The following CACNG2 variants were observed in gnomAD, a reference collection of about 807,000 sequenced individuals.
The protein encoded by CACNG2 is voltage-dependent calcium channel gamma-2 subunit.
Under a neutral mutation model 25.9 loss-of-function variants are expected in CACNG2, and 3 were observed. The observed-to-expected ratio is 0.12, with a 90% CI of 0.05 to 0.30. The LOEUF (loss-of-function observed/expected upper bound fraction) is 0.30. Among genes scored for constraint, CACNG2 ranks in the 10% least tolerant of loss-of-function variants. The pLI is 1.00. For missense variants in CACNG2, 341 were observed against 432.5 expected, an observed-to-expected ratio of 0.79 and a Z score of 1.88; for synonymous variants, 167 against 173.3, an observed-to-expected ratio of 0.96 and a Z score of 0.29.
intron 1 of CACNG2, among the ~76,000 whole-genome samples, chr22:36,628,407 T>C (rs1411727279): frequency 6.6e-6 from 1 of 152,264 alleles, no homozygotes; most frequent in Non-Finnish European, 1.5e-5. Flanking sequence ...ATTCTTTTCC[T>C]GCAAATGCCT....
At chr22:36,695,027 C>T (rs1469514495) in intron 1 of CACNG2, among the ~76,000 whole-genome samples, 1 of 152,050 alleles carries the variant, frequency 6.6e-6, no homozygotes, top group African/African-American at 2.4e-5. Context: ...ACCAGCCTGG[C>T]AAACATAGTG....
chr22:36,604,035 T>A (rs146768920), intron 1 of CACNG2, among the ~76,000 whole-genome samples: 214 of 152,310 alleles, frequency 1.4e-3, no homozygotes, highest in African/African-American at 4.9e-3. Context: ...TAGAAAGGAC[T>A]CAACATTCTA....
chr22:36,664,883 C>G (rs766039132), intron 1 of CACNG2, among the ~76,000 whole-genome samples: 1 of 151,980 alleles, frequency 6.6e-6, no homozygotes, highest in African/African-American at 2.4e-5. Context: ...GAGAATAGAC[C>G]CAGAAAACAT....
intron 1 of CACNG2, among the ~76,000 whole-genome samples, chr22:36,655,185 C>T (rs1380233877): frequency 6.6e-6 from 1 of 152,114 alleles, no homozygotes; most frequent in Non-Finnish European, 1.5e-5. Context: ...TATTCTTTGA[C>T]TTCTTCATAT....
At chr22:36,699,244 C>CACACACAG (rs1937380338) in intron 1 of CACNG2, among the ~76,000 whole-genome samples, 1 of 117,322 alleles carries the variant, frequency 8.5e-6, no homozygotes, top group Admixed American at 8.0e-5. Flanking sequence ...AGTTCACACA[C>CACACACAG]ACACACACAC....
chr22:36,592,658 T>G (rs975464387), intron 1 of CACNG2, among the ~76,000 whole-genome samples: 1 of 151,952 alleles, frequency 6.6e-6, no homozygotes, highest in African/African-American at 2.4e-5. Context: ...TAGAAATGAG[T>G]GGTGTGATCT....
intron 1 of CACNG2, among the ~76,000 whole-genome samples, chr22:36,657,791 G>A (rs1936730001): frequency 6.6e-6 from 1 of 152,114 alleles, no homozygotes; most frequent in Non-Finnish European, 1.5e-5. Context: ...GGCTCAGGGA[G>A]TGGAGGCTTG....
rs542016134 is a variant in CACNG2, at chr22:36,652,736, C to T, written c.211+49630G>A. ...ATCCCCATTTCCCAGCAAGCCACCA[C>T]CAAGCACATAACAGGTGCTCAGTAA... On this transcript the variant is annotated intron_variant, in intron 1 of 3. Transcript: ENST00000300105. Among the ~76,000 whole-genome samples the T allele has an allele frequency of 5.3e-5, 8 of 152,236 alleles. No homozygotes were observed. In the South Asian group the frequency reaches 1.7e-3, roughly 32 times the overall value.
chr22:36,684,355 C>T (rs991583006), intron 1 of CACNG2, among the ~76,000 whole-genome samples: 2 of 152,112 alleles, frequency 1.3e-5, no homozygotes, highest in Non-Finnish European at 2.9e-5. Context: ...GTGGCTCACA[C>T]CTGTAATCCC....
At chr22:36,616,320 G>A (rs1237792054) in intron 1 of CACNG2, among the ~76,000 whole-genome samples, 1 of 152,148 alleles carries the variant, frequency 6.6e-6, no homozygotes, top group Non-Finnish European at 1.5e-5. Flanking sequence ...ATTCTCCCTT[G>A]TTAGAATTCT....
At chr22:36,652,655 C>T (rs560057186) in intron 1 of CACNG2, among the ~76,000 whole-genome samples, 10 of 152,252 alleles carry the variant, frequency 6.6e-5, no homozygotes, top group Admixed American at 5.9e-4. Flanking sequence ...TGCTGGATGA[C>T]TCTTTTGCCC....
intron 1 of CACNG2, among the ~76,000 whole-genome samples, chr22:36,639,510 G>A (rs1472653884): frequency 6.6e-6 from 1 of 152,138 alleles, no homozygotes; most frequent in East Asian, 1.9e-4. Flanking sequence ...TCTCCCTTCA[G>A]GGGCACACAG....
intron 1 of CACNG2, among the ~76,000 whole-genome samples, chr22:36,653,012 C>T (rs1936642939): frequency 6.6e-6 from 1 of 152,016 alleles, no homozygotes; most frequent in Non-Finnish European, 1.5e-5. Context: ...AATTGGCCTA[C>T]ATATTGTTGT....
intron 1 of CACNG2, among the ~76,000 whole-genome samples, chr22:36,672,260 G>T (rs1406231433): frequency 1.3e-5 from 2 of 151,990 alleles, no homozygotes; most frequent in South Asian, 4.1e-4. Context: ...GGGCTCAAGC[G>T]ATCTTCCCAC....
chr22:36,566,405 G>A lies in CACNG2; in HGVS notation c.384C>T (p.Tyr128=). 1 of 1,614,136 alleles carries A rather than the reference G, an allele frequency of 6.2e-7. No individual in the cohort carries two copies. The highest frequency in any genetic ancestry group is 8.5e-7 in the Non-Finnish European group (1 of 1,179,990). Residue 128 remains tyrosine, a synonymous_variant, in exon 3 of 4, where the codon TAC becomes TAT. Transcript: ENST00000300105. ...GGLCIAASEF[Y]KTRHNIILSA... ...TCAGGATGATGTTGTGTCGAGTTTT[G>A]TAGAACTCGCTGGCTGCGATGCAGA...
intron 1 of CACNG2, among the ~76,000 whole-genome samples, chr22:36,657,308 T>C (rs1936721509): frequency 6.6e-6 from 1 of 152,214 alleles, no homozygotes; most frequent in Non-Finnish European, 1.5e-5. Context: ...GTGAGACAAG[T>C]CTTCAGTTCC....
rs145651424 is a variant in CACNG2, at chr22:36,696,407, G to C, written c.211+5959C>G. On this transcript the variant is annotated intron_variant, in intron 1 of 3. Coordinates refer to ENST00000300105, the MANE Select transcript of CACNG2 (RefSeq NM_006078.5). ...GAGTTCATTATTTATTTTTTAGAAT[G>C]TTAAAAAAATTAATGCTTTGGCCAC... is the stretch of plus-strand genomic sequence containing the variant. Among the ~76,000 whole-genome samples the C allele has an allele frequency of 4.1e-4, 62 of 151,920 alleles. No individual in the cohort carries two copies. The East Asian group carries it at 0.011, about 27-fold the overall frequency.
intron 2 of CACNG2, among the ~76,000 whole-genome samples, chr22:36,579,123 G>A (rs1603500653): frequency 1.3e-5 from 2 of 152,088 alleles, no homozygotes; most frequent in South Asian, 2.1e-4. Context: ...CTGCCAGCTC[G>A]ACTGGGCATG....
chr22:36,652,325 G>A (rs929065973), intron 1 of CACNG2, among the ~76,000 whole-genome samples: 1 of 152,084 alleles, frequency 6.6e-6, no homozygotes, highest in African/African-American at 2.4e-5. Context: ...CTTCCTAGGA[G>A]CCTAGGATGA....
Sources: gnomAD v4.1 joint callset for allele counts (sites outside exome capture counted in the v4.1 genomes callset) on GRCh38, gnomAD v4.1.1 for gene constraint, MANE v1.5 for transcripts, NCBI Gene and HGNC (gene_info 2026-07-23, HGNC 2026-07-21) for gene names.